GNB5: variants seen among roughly 807,000 people sequenced by gnomAD.
The protein encoded by GNB5 is guanine nucleotide-binding protein subunit beta-5.
In GNB5, 37 loss-of-function variants were observed where a neutral mutation model predicts 55.3. The observed-to-expected ratio is 0.67, with a 90% CI of 0.51 to 0.88. The LOEUF is 0.88. Among genes scored for constraint, GNB5 ranks in the 40% least tolerant of loss-of-function variants. The probability of loss-of-function intolerance (pLI) is 0.00; values close to 1 mark genes in which losing one functional copy is unlikely to be tolerated. For synonymous variants in GNB5, 219 were observed against 198.5 expected (o/e 1.10, Z -0.87); for missense variants, 476 against 515.3 (o/e 0.92, Z 0.74).
chr15:52,144,900 T>C (rs2033937656), intron 6 of GNB5, among the ~76,000 whole-genome samples: 1 of 152,190 alleles, frequency 6.6e-6, no homozygotes, highest in Admixed American at 6.5e-5. Context: ...CGCAGCTCCA[T>C]GTCTGGATGC....
chr15:52,157,937 G>C (rs1256611920), intron 3 of GNB5, among the ~76,000 whole-genome samples: 1 of 151,448 alleles, frequency 6.6e-6, no homozygotes, highest in Admixed American at 6.6e-5. Context: ...AATATGTGCT[G>C]GGTATTATTT....
chr15:52,125,975 C>T lies in GNB5; in HGVS notation c.982G>A (p.Ala328Thr). 2 of 1,559,976 alleles carry T rather than the reference C, an allele frequency of 1.3e-6. No homozygotes were observed. The highest frequency in any genetic ancestry group is 1.4e-5 in the African/African-American group (1 of 73,936). ...IYSKESIIFGASSVDFSLSGR... is the reference protein window; with the variant it reads ...IYSKESIIFGTSSVDFSLSGR... The stretch of plus-strand genomic sequence containing the variant: ...CTGAGGGAGAAGTCCACGCTGGATG[C>T]TCCAAATATGATGCTTTCTTTGGAA... Residue 328 changes from alanine (A) to threonine (T), a missense_variant, in exon 11 of 13, where the codon GCA becomes ACA. Coordinates refer to ENST00000261837, the MANE Select transcript of GNB5 (RefSeq NM_016194.4).
Position 52,120,155 on chromosome 15 carries a change from C to G in GNB5, c.*2602G>C, listed in dbSNP as rs565950969. ...GAGGGGGCTGCCCAAGGCTCTACACCCCTGGGGGCCCATCTGTTTGGCCCC... is the reference window on the plus strand; with the variant it reads ...GAGGGGGCTGCCCAAGGCTCTACACGCCTGGGGGCCCATCTGTTTGGCCCC... On this transcript the variant is annotated 3_prime_UTR_variant, in exon 13 of 13. Coordinates refer to ENST00000261837, the MANE Select transcript of GNB5 (RefSeq NM_016194.4). The G allele has an allele frequency of 2.6e-5, 4 of 152,336 alleles. No homozygotes were observed. The highest frequency in any genetic ancestry group is 4.4e-5 in the Non-Finnish European group (3 of 68,048). The allele number at this position is 152,336 out of a possible 1,614,324, so 9.4% of individuals were successfully genotyped here. A position where few individuals can be genotyped will look rare whatever the true frequency, so the allele number is the denominator to read the frequency against.
intron 1 of GNB5, among the ~76,000 whole-genome samples, chr15:52,191,064 A>C (rs1362131443): frequency 6.6e-6 from 1 of 152,210 alleles, no homozygotes; most frequent in Non-Finnish European, 1.5e-5. Context: ...AGTATGCTTA[A>C]TCTCTTTCCT....
chr15:52,150,961 C>T (rs569735806), intron 4 of GNB5, among the ~76,000 whole-genome samples: 1 of 152,294 alleles, frequency 6.6e-6, no homozygotes, highest in South Asian at 2.1e-4. Flanking sequence ...TGGAAAACAT[C>T]ACTTAAGGGC....
chr15:52,187,596 C>G (rs923753251), intron 1 of GNB5, among the ~76,000 whole-genome samples: 1 of 152,072 alleles, frequency 6.6e-6, no homozygotes, highest in Non-Finnish European at 1.5e-5. Context: ...TTTTTCTTCT[C>G]AAACTAAATT....
At position 52,117,103 on chromosome 15, in the gene GNB5, T is replaced by TATATATATATATATATATATATATATATA. The variant is rs1555403840; in HGVS notation, c.*5653_*5654insTATATATATATATATATATATATATATAT. 4.6e-4 allele frequency: 44 copies of TATATATATATATATATATATATATATATA among 95,914 alleles called. 1 individual carries two copies. Among genetic ancestry groups the TATATATATATATATATATATATATATATA allele is most frequent in the Non-Finnish European group, 5.9e-4 (33 of 56,162 alleles). The allele number at this position is 95,914 out of a possible 1,614,324, so 5.9% of individuals were successfully genotyped here. The stretch of plus-strand genomic sequence containing the variant: ...CACGCCCAGCTAATATATATATATA[T>TATATATATATATATATATATATATATATA]TTTTTTTTAGTACAGACAGGGTTTC... On this transcript the variant is annotated 3_prime_UTR_variant, in exon 13 of 13. Transcript: ENST00000261837.
At chr15:52,129,678 A>G (rs946447188) in intron 9 of GNB5, among the ~76,000 whole-genome samples, 4 of 152,196 alleles carry the variant, frequency 2.6e-5, no homozygotes, top group African/African-American at 7.2e-5. Context: ...CAGGTAATAC[A>G]TAGATTATCT....
At chr15:52,180,124 G>C in intron 2 of GNB5, 1 of 320,308 alleles carries the variant, frequency 3.1e-6, no homozygotes, top group Non-Finnish European at 5.4e-6. Flanking sequence ...GGAGAGGCAG[G>C]GAGTGTGACG....
chr15:52,165,863 T>TG (rs1253706591), intron 3 of GNB5, among the ~76,000 whole-genome samples: 1 of 152,156 alleles, frequency 6.6e-6, no homozygotes, highest in African/African-American at 2.4e-5. Flanking sequence ...TAAATGTAAA[T>TG]GGGCTAAATG....
At chr15:52,141,030 A>G in intron 7 of GNB5, 110 bp downstream of exon 7, 1 of 828,730 alleles carries the variant, frequency 1.2e-6, no homozygotes, top group Admixed American at 2.2e-5. Context: ...AGAGCAAACT[A>G]CTGGAGCACA....
intron 2 of GNB5, chr15:52,180,150 G>C: frequency 3.9e-6 from 1 of 259,312 alleles, no homozygotes; most frequent in East Asian, 7.9e-5. Flanking sequence ...TTTACCAGCG[G>C]GCAAACTGTG....
At chr15:52,162,914 C>G (rs956521811) in intron 3 of GNB5, 1 of 152,236 alleles carries the variant, frequency 6.6e-6, no homozygotes. Flanking sequence ...TGGTTAGAAG[C>G]AGCTGCAATC....
chr15:52,146,020 G>A (rs1026675522), intron 6 of GNB5, among the ~76,000 whole-genome samples: 1 of 147,174 alleles, frequency 6.8e-6, no homozygotes, highest in East Asian at 2.1e-4. Context: ...GCAGTGGCGC[G>A]ATCTTGGCTC....
At position 52,161,762 on chromosome 15, in the gene GNB5, A is replaced by G. The variant is rs572565926; in HGVS notation, c.239-7686T>C. On this transcript the variant is annotated intron_variant, in intron 3 of 12. Transcript: ENST00000261837. ...TGAATGACTCAACAAGCAAGGACTGAGCACCTTTCGCAGGCTGGCCCTGTG... is the reference window on the plus strand; with the variant it reads ...TGAATGACTCAACAAGCAAGGACTGGGCACCTTTCGCAGGCTGGCCCTGTG... Among the ~76,000 whole-genome samples the G allele has an allele frequency of 9.8e-5, 15 of 152,344 alleles. No homozygotes were observed. The East Asian group carries it at 2.9e-3, about 29-fold the overall frequency.
chr15:52,184,133 A>T (rs1314357910), intron 2 of GNB5, among the ~76,000 whole-genome samples: 2 of 152,226 alleles, frequency 1.3e-5, no homozygotes, highest in East Asian at 1.9e-4. Context: ...GACTTGTAGA[A>T]GTCAGAAGAA....
intron 6 of GNB5, among the ~76,000 whole-genome samples, chr15:52,145,182 T>C (rs2033944053): frequency 2.0e-5 from 3 of 152,220 alleles, no homozygotes; most frequent in South Asian, 4.1e-4. Flanking sequence ...CTTTCTCTAA[T>C]AGATGTGTTA....
intron 6 of GNB5, among the ~76,000 whole-genome samples, chr15:52,141,621 A>C (rs983678075): frequency 1.3e-5 from 2 of 152,102 alleles, no homozygotes; most frequent in Non-Finnish European, 2.9e-5. Context: ...GAAAAAAAAA[A>C]TAGTATACTG....
intron 3 of GNB5, among the ~76,000 whole-genome samples, chr15:52,179,053 C>T (rs1306533654): frequency 1.3e-5 from 2 of 152,246 alleles, no homozygotes; most frequent in Non-Finnish European, 2.9e-5. Flanking sequence ...TTTAATCGCT[C>T]ACTCATAAAA....
Sources: gnomAD v4.1 joint callset for allele counts (sites outside exome capture counted in the v4.1 genomes callset) on GRCh38, gnomAD v4.1.1 for gene constraint, MANE v1.5 for transcripts, NCBI Gene and HGNC (gene_info 2026-07-23, HGNC 2026-07-21) for gene names.